AK4: variants seen among roughly 807,000 people sequenced by gnomAD.
AK4 encodes the protein adenylate kinase 4, also known as adenylate kinase 4, mitochondrial.
Under a neutral mutation model 24.6 loss-of-function variants are expected in AK4, and 13 were observed. The ratio of observed to expected loss-of-function variants is 0.53; its 90% CI spans 0.34 to 0.84. The LOEUF is 0.84. Among genes scored for constraint, AK4 ranks in the 40% least tolerant of loss-of-function variants. The pLI is 0.01. For synonymous variants in AK4, 88 were observed against 107.0 expected (o/e 0.82, Z 1.10); for missense variants, 192 against 288.2 (o/e 0.67, Z 2.42).
intron 2 of AK4, among the ~76,000 whole-genome samples, chr1:65,196,595 G>A (rs745794081): frequency 1.3e-5 from 2 of 152,140 alleles, no homozygotes; most frequent in Non-Finnish European, 2.9e-5. Flanking sequence ...CTCCTGAGTA[G>A]CTGGGATTAC....
intron 2 of AK4, among the ~76,000 whole-genome samples, chr1:65,217,289 C>A (rs1469798496): frequency 6.6e-6 from 1 of 152,118 alleles, no homozygotes; most frequent in Non-Finnish European, 1.5e-5. Context: ...GTTTGAGCCA[C>A]CAACTTCCTG....
chr1:65,174,464 T>C (rs779158059), intron 1 of AK4, among the ~76,000 whole-genome samples: 1 of 152,220 alleles, frequency 6.6e-6, no homozygotes, highest in Non-Finnish European at 1.5e-5. Context: ...TTATTATTTT[T>C]TTCTTGGCTA....
intron 2 of AK4, among the ~76,000 whole-genome samples, chr1:65,194,625 CTAATTTTTG>C (rs1179159709): frequency 6.6e-6 from 1 of 152,186 alleles, no homozygotes; most frequent in Non-Finnish European, 1.5e-5. Context: ...CCATGCCCAG[CTAATTTTTG>C]TATTTTTAGA....
In AK4 at chr1:65,229,821, T is replaced by C. The variant is rs763871578; in HGVS notation, c.*3644T>C. Reference sequence around the variant, plus strand: ...CGTCCCCAGCCATGGTGCTCACACATAGGCTTTTGAGCTCCTTGGAGCTAT... The same window carrying C: ...CGTCCCCAGCCATGGTGCTCACACACAGGCTTTTGAGCTCCTTGGAGCTAT... On this transcript the variant is annotated 3_prime_UTR_variant, in exon 5 of 5. Transcript: ENST00000327299. 6.6e-6 allele frequency: 1 copy of C among 152,282 alleles called. No individual in the cohort carries two copies. Among genetic ancestry groups the C allele is most frequent in the Non-Finnish European group, 1.5e-5 (1 of 68,114 alleles). The allele number at this position is 152,282 out of a possible 1,614,324, so 9.4% of individuals were successfully genotyped here.
chr1:65,188,052 G>C lies in AK4; in HGVS notation c.146-2658G>C, dbSNP rs548996745. ...TCTTTCAGTGCTTAAGTTGGGGTTG[G>C]GGGTACAGACTCAGTCTGGGGAGGC... On this transcript the variant is annotated intron_variant, in intron 1 of 4. Transcript: ENST00000327299. 2.8e-4 allele frequency among the ~76,000 whole-genome samples: 43 copies of C among 152,196 alleles called. No individual in the cohort carries two copies. In the South Asian group the frequency reaches 8.1e-3, roughly 29 times the overall value.
rs933001377 is a variant in AK4, at chr1:65,186,204, C to T, written c.146-4506C>T. Among the ~76,000 whole-genome samples the T allele has an allele frequency of 6.6e-5, 10 of 152,106 alleles. 1 individual carries two copies. The highest frequency in any genetic ancestry group is 1.9e-4 in the African/African-American group (8 of 41,492). On this transcript the variant is annotated intron_variant, in intron 1 of 4. Coordinates refer to ENST00000327299, the MANE Select transcript of AK4 (RefSeq NM_013410.4). ...AGGCTGTAGTGCAGTGGTGCAATCT[C>T]GGCTCACTGCAACCTCTGCCTCTTG...
rs1048638459 is a variant in AK4 at position 65,206,431 on chromosome 1, G to A, written c.266-12323G>A. 5.9e-5 allele frequency among the ~76,000 whole-genome samples: 9 copies of A among 152,332 alleles called. No individual in the cohort carries two copies. The South Asian group carries it at 1.9e-3, about 32-fold the overall frequency. ...AGTGGGACCGGTTTTCCCCTAATTT[G>A]TGTATGGGGACTTATATTCAAAGAA... On this transcript the variant is annotated intron_variant, in intron 2 of 4. Coordinates refer to ENST00000327299, the MANE Select transcript of AK4 (RefSeq NM_013410.4).
intron 1 of AK4, among the ~76,000 whole-genome samples, chr1:65,173,406 C>T (rs1650603965): frequency 6.6e-6 from 1 of 152,148 alleles, no homozygotes; most frequent in South Asian, 2.1e-4. Context: ...ATCCTTTACT[C>T]AGTGGCTTCC....
At chr1:65,205,769 T>C (rs912534439) in intron 2 of AK4, among the ~76,000 whole-genome samples, 1 of 152,240 alleles carries the variant, frequency 6.6e-6, no homozygotes, top group Non-Finnish European at 1.5e-5. Flanking sequence ...CTAGTTATAT[T>C]GGATATTCTA....
In AK4 at chr1:65,224,079, A is replaced by G. The variant is rs181622734; in HGVS notation, c.439-673A>G. Among the ~76,000 whole-genome samples the G allele has an allele frequency of 3.9e-3, 596 of 152,350 alleles. 3 individuals are homozygous for G. Among genetic ancestry groups the G allele is most frequent in the South Asian group, 8.7e-3 (42 of 4,830 alleles). On this transcript the variant is annotated intron_variant, in intron 3 of 4. Coordinates refer to ENST00000327299, the MANE Select transcript of AK4 (RefSeq NM_013410.4). ...TTTTGTTTTACATTGAGAAAGAAGC[A>G]ACACATAGGAAAAGCTAAAATAAAG... is the stretch of plus-strand genomic sequence containing the variant.
chr1:65,148,190 T>TAC (rs1649629655), upstream of AK4: 1 of 983,126 alleles, frequency 1.0e-6, no homozygotes, highest in African/African-American at 1.7e-5. Context: ...CGGGGAGGTG[T>TAC]AGCGTGGCGC....
chr1:65,216,971 G>C (rs1014981609), intron 2 of AK4, among the ~76,000 whole-genome samples: 1 of 152,192 alleles, frequency 6.6e-6, no homozygotes, highest in African/African-American at 2.4e-5. Context: ...AAAGTGTTGA[G>C]ATTACAGGTG....
At chr1:65,175,340 C>T (rs1467279249) in intron 1 of AK4, among the ~76,000 whole-genome samples, 2 of 152,168 alleles carry the variant, frequency 1.3e-5, no homozygotes, top group Non-Finnish European at 2.9e-5. Context: ...TCCAACAGGG[C>T]ATTGCCAGAG....
intron 1 of AK4, among the ~76,000 whole-genome samples, chr1:65,166,223 C>T (rs76709393): frequency 6.6e-6 from 1 of 151,962 alleles, no homozygotes; most frequent in East Asian, 1.9e-4. Flanking sequence ...CCCTTCTTTT[C>T]TGGAGTCCTA....
intron 1 of AK4, among the ~76,000 whole-genome samples, chr1:65,189,930 A>C (rs1337492432): frequency 6.6e-6 from 1 of 152,214 alleles, no homozygotes; most frequent in Non-Finnish European, 1.5e-5. Flanking sequence ...GGTTGATGAA[A>C]AGAAGTAAAG....
At chr1:65,204,133 A>G (rs1570124608) in intron 2 of AK4, among the ~76,000 whole-genome samples, 1 of 152,230 alleles carries the variant, frequency 6.6e-6, no homozygotes, top group South Asian at 2.1e-4. Flanking sequence ...CTCTGTGCGC[A>G]TATGTAGATG....
chr1:65,219,776 G>GT (rs1296944860), intron 3 of AK4, among the ~76,000 whole-genome samples: 1 of 152,048 alleles, frequency 6.6e-6, no homozygotes, highest in Non-Finnish European at 1.5e-5. Context: ...TGACGTTTTC[G>GT]TTTTTTATAG....
At position 65,193,983 on chromosome 1, in the gene AK4, T is replaced by A. The variant is rs184463482; in HGVS notation, c.265+3154T>A. On this transcript the variant is annotated intron_variant, in intron 2 of 4. Transcript: ENST00000327299. ...GGCATGTGCCTATAATCCCAGCTACTTGGGAGCTGAGGTGAGAGGATCACT... is the reference window on the plus strand; with the variant it reads ...GGCATGTGCCTATAATCCCAGCTACATGGGAGCTGAGGTGAGAGGATCACT... Among the ~76,000 whole-genome samples, 10 of 152,288 alleles carry A rather than the reference T, an allele frequency of 6.6e-5. No individual in the cohort carries two copies. In the East Asian group the frequency reaches 1.9e-3, roughly 29 times the overall value.
At chr1:65,176,528 G>C (rs538101351) in intron 1 of AK4, among the ~76,000 whole-genome samples, 1 of 152,236 alleles carries the variant, frequency 6.6e-6, no homozygotes, top group African/African-American at 2.4e-5. Flanking sequence ...CGCTGCCCGT[G>C]AATGCCGGGA....
Sources: allele counts gnomAD v4.1 joint callset (sites outside exome capture counted in the v4.1 genomes callset), GRCh38; gene constraint gnomAD v4.1.1; transcripts MANE v1.5; gene names NCBI Gene and HGNC (gene_info 2026-07-23, HGNC 2026-07-21).